SOX5: variants seen among roughly 807,000 people sequenced by gnomAD.
The protein encoded by SOX5 is SRY-box transcription factor 5.
SOX5 carries 9 observed loss-of-function variants against 92.0 expected under a neutral mutation model. That is an observed-to-expected ratio of 0.10 (90% CI 0.06 to 0.17). The LOEUF (loss-of-function observed/expected upper bound fraction) is 0.17. Among genes scored for constraint, SOX5 ranks in the 10% least tolerant of loss-of-function variants. The pLI is 1.00. For synonymous variants in SOX5, 344 were observed against 336.3 expected (o/e 1.02, Z -0.25); for missense variants, 642 against 944.5 (o/e 0.68, Z 4.20).
intron 4 of SOX5, among the ~76,000 whole-genome samples, chr12:23,960,845 G>C (rs920532941): frequency 1.3e-5 from 2 of 152,014 alleles, no homozygotes; most frequent in Non-Finnish European, 2.9e-5. Context: ...AATTAAAATG[G>C]TTATAATGGT....
rs74068404 is a variant in SOX5 at position 24,149,929 on chromosome 12, T to C, written c.-2+63414A>G. ...GATGCCTCCGTCACAAAAAAGAACA[T>C]TGAAAAAAATAAATGTGTATAATCA... On this transcript the variant is annotated intron_variant, in intron 4 of 4. Transcript: ENST00000446891. Among the ~76,000 whole-genome samples the C allele has an allele frequency of 1.5e-3, 227 of 152,134 alleles. 1 individual carries two copies. The highest frequency in any genetic ancestry group is 4.7e-3 in the African/African-American group (194 of 41,520).
intron 2 of SOX5, among the ~76,000 whole-genome samples, chr12:23,856,410 A>T (rs2096689927): frequency 6.6e-6 from 1 of 152,132 alleles, no homozygotes; most frequent in Non-Finnish European, 1.5e-5. Flanking sequence ...CCAGTTTTGG[A>T]GTTCTTAAAG....
At chr12:24,224,080 T>C (rs1961256872) in intron 3 of SOX5, among the ~76,000 whole-genome samples, 1 of 152,202 alleles carries the variant, frequency 6.6e-6, no homozygotes, top group South Asian at 2.1e-4. Flanking sequence ...GTTGTTTCGC[T>C]GGAAGGACAT....
chr12:24,171,502 C>T (rs374568972), intron 4 of SOX5, among the ~76,000 whole-genome samples: 209 of 152,188 alleles, frequency 1.4e-3, no homozygotes, highest in African/African-American at 4.9e-3. Flanking sequence ...GGATTACAGG[C>T]GTGAGCCACC....
At chr12:24,538,639 T>TAC (rs1257750518) in intron 1 of SOX5, among the ~76,000 whole-genome samples, 4 of 109,458 alleles carry the variant, frequency 3.7e-5, no homozygotes, top group Non-Finnish European at 8.4e-5. Flanking sequence ...ACACACACAC[T>TAC]ACACGATAAG....
intron 1 of SOX5, among the ~76,000 whole-genome samples, chr12:24,518,998 CA>C (rs1566371348): frequency 6.6e-6 from 1 of 151,864 alleles, no homozygotes; most frequent in Non-Finnish European, 1.5e-5. Flanking sequence ...ATTATACTTC[CA>C]AGAGAAAATA....
intron 3 of SOX5, among the ~76,000 whole-genome samples, chr12:23,785,656 ATAATGTTGAATAATGC>A (rs1357854455): frequency 9.9e-5 from 15 of 152,102 alleles, no homozygotes; most frequent in African/African-American, 3.1e-4. Flanking sequence ...TAGATGGACA[ATAATGTTGAATAATGC>A]TATGCATTTA....
chr12:24,349,899 C>A (rs1247460785), intron 2 of SOX5, among the ~76,000 whole-genome samples: 1 of 152,138 alleles, frequency 6.6e-6, no homozygotes, highest in Non-Finnish European at 1.5e-5. Context: ...ACATTCCCAC[C>A]CACAGTGCAT....
intron 1 of SOX5, among the ~76,000 whole-genome samples, chr12:24,447,125 T>C (rs893884161): frequency 1.3e-5 from 2 of 152,198 alleles, no homozygotes; most frequent in East Asian, 3.8e-4. Context: ...AGGTGGAGTT[T>C]AACTCCCCTC....
intron 4 of SOX5, among the ~76,000 whole-genome samples, chr12:24,053,787 T>C (rs912956211): frequency 1.3e-5 from 2 of 152,204 alleles, no homozygotes; most frequent in African/African-American, 4.8e-5. Context: ...TCATATTTAA[T>C]AGCTTTCATT....
rs559771862 is a variant in SOX5, at chr12:24,217,687, C to T, written c.-76-4270G>A. Among the ~76,000 whole-genome samples, 100 of 152,152 alleles carry T rather than the reference C, an allele frequency of 6.6e-4. 1 individual carries two copies. The highest frequency in any genetic ancestry group is 5.2e-4 in the Admixed American group (8 of 15,288). On this transcript the variant is annotated intron_variant, in intron 3 of 4. Transcript: ENST00000446891. ...ACATTTCTCCTTCTAAGGACACTAT[C>T]GAGAGAGTGAAAAGACAACCTACAG...
chr12:24,052,313 AG>A (rs1204918843), intron 4 of SOX5, among the ~76,000 whole-genome samples: 1 of 152,218 alleles, frequency 6.6e-6, no homozygotes, highest in African/African-American at 2.4e-5. Flanking sequence ...CTAACTTCTC[AG>A]GTCACAGAAT....
chr12:23,841,560 G>C (rs2096516279), intron 3 of SOX5, among the ~76,000 whole-genome samples: 1 of 152,026 alleles, frequency 6.6e-6, no homozygotes, highest in Admixed American at 6.6e-5. Context: ...TGCTTTGATA[G>C]GCAAAAAGAA....
intron 3 of SOX5, among the ~76,000 whole-genome samples, chr12:24,246,959 C>A (rs538784895): frequency 1.3e-5 from 2 of 152,144 alleles, no homozygotes; most frequent in East Asian, 3.9e-4. Flanking sequence ...CTACCCATCA[C>A]TTTCAAAGGA....
At chr12:23,817,023 C>A (rs1179080182) in intron 3 of SOX5, among the ~76,000 whole-genome samples, 1 of 152,108 alleles carries the variant, frequency 6.6e-6, no homozygotes, top group African/African-American at 2.4e-5. Flanking sequence ...GAACATGTCA[C>A]TATTAATGTA....
At chr12:24,091,515 T>C in intron 4 of SOX5, among the ~76,000 whole-genome samples, 1 of 147,258 alleles carries the variant, frequency 6.8e-6, no homozygotes, top group Non-Finnish European at 1.5e-5. Context: ...CTGCAACCTC[T>C]ACCTCCCAGG....
At chr12:23,813,410 G>C (rs2095915813) in intron 3 of SOX5, among the ~76,000 whole-genome samples, 1 of 152,120 alleles carries the variant, frequency 6.6e-6, no homozygotes, top group Non-Finnish European at 1.5e-5. Flanking sequence ...GGGACACCCA[G>C]AGAAGATAAG....
chr12:24,274,340 T>G (rs1418531906), intron 3 of SOX5, among the ~76,000 whole-genome samples: 1 of 152,238 alleles, frequency 6.6e-6, no homozygotes, highest in Non-Finnish European at 1.5e-5. Context: ...TCCTATTGAA[T>G]TGAAACTTCA....
At chr12:24,174,675 G>A (rs571621202) in intron 4 of SOX5, among the ~76,000 whole-genome samples, 1 of 152,232 alleles carries the variant, frequency 6.6e-6, no homozygotes, top group South Asian at 2.1e-4. Flanking sequence ...TACAAAATTA[G>A]CCAGGTGTGG....
Sources: allele counts gnomAD v4.1 joint callset (sites outside exome capture counted in the v4.1 genomes callset), GRCh38; gene constraint gnomAD v4.1.1; transcripts MANE v1.5; gene names NCBI Gene and HGNC (gene_info 2026-07-23, HGNC 2026-07-21).